The following TRIM61 variants were observed in gnomAD, a reference collection of about 807,000 sequenced individuals.
TRIM61 encodes tripartite motif containing 61.
In TRIM61, 1 loss-of-function variant was observed where a neutral mutation model predicts 14.2. The observed-to-expected ratio is 0.07, with a 90% CI of 0.03 to 0.33. The LOEUF is 0.33. Ranked by LOEUF, TRIM61 falls within the 10% of genes least tolerant of loss-of-function variation. The pLI, the probability that TRIM61 is intolerant of heterozygous loss-of-function variation, is 0.99. For synonymous variants in TRIM61, 8 were observed against 71.6 expected, an observed-to-expected ratio of 0.11 and a Z score of 4.49; for missense variants, 19 against 202.2, an observed-to-expected ratio of 0.09 and a Z score of 5.49.
chr4:164,967,386 AT>A (rs758744066), intron 3 of TRIM61, among the ~76,000 whole-genome samples: 6 of 152,180 alleles, frequency 3.9e-5, no homozygotes, highest in Non-Finnish European at 7.3e-5. Context: ...TCTGTGATCT[AT>A]TGAAAGATGT....
intron 3 of TRIM61, 107 bp downstream of exon 3, chr4:164,968,170 AAAAG>A: frequency 1.0e-6 from 1 of 984,874 alleles, no homozygotes; most frequent in Non-Finnish European, 1.2e-6. Flanking sequence ...GAGGAAAAAG[AAAAG>A]AAAAGAAAAA....
At chr4:164,960,238 G>T (rs1732102184) in intron 3 of TRIM61, among the ~76,000 whole-genome samples, 1 of 152,098 alleles carries the variant, frequency 6.6e-6, no homozygotes, top group Admixed American at 6.6e-5. Flanking sequence ...CTCCAGAACT[G>T]TGAGACAATA....
intron 3 of TRIM61, chr4:164,956,989 T>C (rs775351864): frequency 6.9e-7 from 1 of 1,456,372 alleles, no homozygotes; most frequent in Non-Finnish European, 9.1e-7. Context: ...TGGCGCGACG[T>C]TGGAGACCGG....
intron 3 of TRIM61, among the ~76,000 whole-genome samples, chr4:164,963,778 C>T (rs909408470): frequency 2.7e-5 from 4 of 149,340 alleles, no homozygotes; most frequent in African/African-American, 4.9e-5. Flanking sequence ...ACACAAACTA[C>T]ATTATCAGAC....
chr4:164,969,374 A>G (rs916043785), intron 3 of TRIM61: 1 of 1,576,278 alleles, frequency 6.3e-7, no homozygotes, highest in African/African-American at 1.4e-5. Context: ...TAAAATATCC[A>G]TCTCTTCATC....
At chr4:164,971,041 C>A (rs1732353159) in intron 2 of TRIM61, among the ~76,000 whole-genome samples, 1 of 151,938 alleles carries the variant, frequency 6.6e-6, no homozygotes, top group Non-Finnish European at 1.5e-5. Flanking sequence ...GCAGATGTGG[C>A]AGTGAGCTGA....
intron 2 of TRIM61, among the ~76,000 whole-genome samples, chr4:164,970,955 G>T (rs1416684110): frequency 1.3e-5 from 2 of 152,112 alleles, no homozygotes; most frequent in Non-Finnish European, 2.9e-5. Flanking sequence ...CAAAAAATTA[G>T]CTGGGCATGG....
chr4:164,972,279 T>C (rs1029219769), intron 2 of TRIM61, among the ~76,000 whole-genome samples: 2 of 152,210 alleles, frequency 1.3e-5, no homozygotes, highest in Non-Finnish European at 2.9e-5. Flanking sequence ...AAATGGGAAG[T>C]ATAACAACCT....
chr4:164,964,979 T>A (rs1385019864), intron 3 of TRIM61, among the ~76,000 whole-genome samples: 2 of 152,190 alleles, frequency 1.3e-5, no homozygotes, highest in African/African-American at 4.8e-5. Flanking sequence ...AGATGTGTAA[T>A]GTTCTCTGAA....
chr4:164,961,819 C>T (rs1732142732), intron 3 of TRIM61, among the ~76,000 whole-genome samples: 1 of 152,192 alleles, frequency 6.6e-6, no homozygotes, highest in Admixed American at 6.5e-5. Flanking sequence ...GACTGCCATG[C>T]ATACGTTAAC....
At chr4:164,956,984 C>T (rs570998524) in intron 3 of TRIM61, 21 of 1,451,370 alleles carry the variant, frequency 1.4e-5, no homozygotes, top group South Asian at 2.9e-5. Flanking sequence ...AGGTGTGGCG[C>T]GACGTTGGAG....
intron 3 of TRIM61, among the ~76,000 whole-genome samples, chr4:164,964,637 T>C (rs1195439975): frequency 6.6e-6 from 1 of 152,166 alleles, no homozygotes; most frequent in Non-Finnish European, 1.5e-5. Context: ...ATGGAACAAT[T>C]AGGAAGAAGA....
chr4:164,964,674 A>G (rs944221661), intron 3 of TRIM61, among the ~76,000 whole-genome samples: 2 of 152,182 alleles, frequency 1.3e-5, no homozygotes, highest in Non-Finnish European at 2.9e-5. Context: ...AAAGAATATT[A>G]TAGTGATTTT....
intron 2 of TRIM61, among the ~76,000 whole-genome samples, chr4:164,975,907 T>C (rs1004437535): frequency 6.6e-6 from 1 of 152,216 alleles, no homozygotes; most frequent in Non-Finnish European, 1.5e-5. Flanking sequence ...CTGAATGTCT[T>C]GGTATAAAAC....
chr4:164,956,774 A>G (rs921959990), intron 3 of TRIM61, among the ~76,000 whole-genome samples: 1 of 152,140 alleles, frequency 6.6e-6, no homozygotes, highest in African/African-American at 2.4e-5. Context: ...GTGGCAGAAG[A>G]GCAAAGCAAA....
At chr4:164,968,086 A>G in intron 3 of TRIM61, 195 bp downstream of exon 3, 1 of 799,436 alleles carries the variant, frequency 1.3e-6, no homozygotes, top group Non-Finnish European at 1.5e-6. Flanking sequence ...TGGGAGACGG[A>G]GGTTGCAGTG....
At chr4:164,968,562 G>C in intron 3 of TRIM61, 1 of 984,658 alleles carries the variant, frequency 1.0e-6, no homozygotes, top group Non-Finnish European at 1.2e-6. Context: ...TCTACTAGGT[G>C]AAAGAAACTG....
chr4:164,974,601 G>A (rs899333739), intron 2 of TRIM61, among the ~76,000 whole-genome samples: 3 of 151,968 alleles, frequency 2.0e-5, no homozygotes, highest in Admixed American at 6.6e-5. Flanking sequence ...AATAATGGCC[G>A]GGAGTCGTGG....
In TRIM61 at chr4:164,968,568, A is replaced by T. The variant is rs1338242909; in HGVS notation, c.525+910T>A. The T allele has an allele frequency of 8.1e-6, 8 of 985,820 alleles. No individual in the cohort carries two copies. In the East Asian group the frequency reaches 6.8e-4, roughly 84 times the overall value. The allele number at this position is 985,820 out of a possible 1,614,324, so 61.1% of individuals were successfully genotyped here. A position where few individuals can be genotyped will look rare whatever the true frequency, so the allele number is the denominator to read the frequency against. ...TCAGTTATGTCTACTAGGTGAAAGA[A>T]ACTGAGTCTTCTAATAATTCATTCA... is the stretch of plus-strand genomic sequence containing the variant. On this transcript the variant is annotated intron_variant, in intron 3 of 4. Transcript: ENST00000329314.
Sources: allele counts gnomAD v4.1 joint callset (sites outside exome capture counted in the v4.1 genomes callset), GRCh38; gene constraint gnomAD v4.1.1; transcripts MANE v1.5; gene names NCBI Gene and HGNC (gene_info 2026-07-23, HGNC 2026-07-21).